SPRING1: variants seen among roughly 807,000 people sequenced by gnomAD.
SPRING1 encodes SREBF pathway regulator in golgi 1, also known as SREBP regulating gene protein.
A neutral mutation model predicts 24.7 loss-of-function variants in SPRING1; 14 were observed. The ratio of observed to expected loss-of-function variants is 0.57; its 90% CI spans 0.37 to 0.88. The LOEUF is 0.88. Ranked by LOEUF, SPRING1 falls within the 40% of genes least tolerant of loss-of-function variation. The pLI, the probability that SPRING1 is intolerant of heterozygous loss-of-function variation, is 0.00. For missense variants in SPRING1, 255 were observed against 268.4 expected, an observed-to-expected ratio of 0.95 and a Z score of 0.35; for synonymous variants, 93 against 106.1, an observed-to-expected ratio of 0.88 and a Z score of 0.76.
At chr12:116,737,649 G>A (rs1871330981) in intron 1 of SPRING1, 141 bp downstream of exon 1, 2 of 961,918 alleles carry the variant, frequency 2.1e-6, no homozygotes, top group Non-Finnish European at 2.8e-6. Context: ...GGGAAGGGGA[G>A]AAAGAAAGGA....
At position 116,712,110 on chromosome 12, in the gene SPRING1, A is replaced by C. The variant is rs1316521985; in HGVS notation, c.*5700T>G. On this transcript the variant is annotated 3_prime_UTR_variant, in exon 5 of 5. Transcript: ENST00000261318. Reference sequence around the variant, plus strand: ...GTCCCTCTGGTCTCACAGAATGTGTAGTCCTGAGAAAAAATAAACCTGGAC... The same window carrying C: ...GTCCCTCTGGTCTCACAGAATGTGTCGTCCTGAGAAAAAATAAACCTGGAC... 6.6e-6 allele frequency: 1 copy of C among 152,268 alleles called. No homozygotes were observed. The allele number at this position is 152,268 out of a possible 1,614,324, so 9.4% of individuals were successfully genotyped here.
Position 116,719,792 on chromosome 12 carries a change from A to G in SPRING1, c.505T>C (p.Cys169Arg). The change falls in exon 4 of 5, where the codon TGC becomes CGC. Residue 169 changes from cysteine (C) to arginine (R), a missense_variant. Transcript: ENST00000261318. The stretch of plus-strand genomic sequence containing the variant: ...GATGAGGTCCTGCATTTGGCCAGGC[A>G]CAACTCAAAGTGATCTTCGACTGCC... ...FMAVEDHFELCLAKCRTSSQS... is the reference protein window; with the variant it reads ...FMAVEDHFELRLAKCRTSSQS... 1 of 1,614,222 alleles carries G rather than the reference A, an allele frequency of 6.2e-7. No homozygotes were observed.
rs1322383564 is a variant in SPRING1 at position 116,714,037 on chromosome 12, T to G, written c.*3773A>C. ...ATCCGAGCCGACCCCTGACTGCCCCTGCCATTGCTCCCTGCTGAGTTGCAG... is the reference window on the plus strand; with the variant it reads ...ATCCGAGCCGACCCCTGACTGCCCCGGCCATTGCTCCCTGCTGAGTTGCAG... On this transcript the variant is annotated 3_prime_UTR_variant, in exon 5 of 5. Coordinates refer to ENST00000261318, the MANE Select transcript of SPRING1 (RefSeq NM_024738.4). 6.7e-6 allele frequency: 1 copy of G among 148,708 alleles called. No individual in the cohort carries two copies. Among genetic ancestry groups the G allele is most frequent in the Non-Finnish European group, 1.5e-5 (1 of 67,262 alleles). The allele number at this position is 148,708 out of a possible 1,614,324, so 9.2% of individuals were successfully genotyped here. A position where few individuals can be genotyped will look rare whatever the true frequency, so the allele number is the denominator to read the frequency against.
chr12:116,735,291 C>T (rs774430267), intron 1 of SPRING1, among the ~76,000 whole-genome samples: 2 of 151,956 alleles, frequency 1.3e-5, no homozygotes, highest in African/African-American at 2.4e-5. Flanking sequence ...GGGTGGTTGC[C>T]GGGGGCTGGG....
Position 116,728,898 on chromosome 12 carries a change from G to A in SPRING1, c.112-5675C>T, listed in dbSNP as rs1018731906. 1.3e-5 allele frequency among the ~76,000 whole-genome samples: 2 copies of A among 152,182 alleles called. No individual in the cohort carries two copies. Among genetic ancestry groups the A allele is most frequent in the Admixed American group, 1.3e-4 (2 of 15,276 alleles). ...GGACAGCGGGGCTCAAAAGCCTTTGGTCCTGGAACCCTTTCTAATCTTAAA... is the reference window on the plus strand; with the variant it reads ...GGACAGCGGGGCTCAAAAGCCTTTGATCCTGGAACCCTTTCTAATCTTAAA... On this transcript the variant is annotated intron_variant, in intron 1 of 4. Transcript: ENST00000261318. This position sits in a 1 kb window ranked among gnomAD's most constrained non-coding sequence, Gnocchi z 4.2.
At chr12:116,726,639 T>C (rs577285406) in intron 1 of SPRING1, among the ~76,000 whole-genome samples, 4 of 150,142 alleles carry the variant, frequency 2.7e-5, no homozygotes, top group African/African-American at 9.8e-5. Context: ...TGTAAATTCA[T>C]ACTCTTCTGC....
chr12:116,721,769 A>G (rs1165455394), intron 2 of SPRING1, among the ~76,000 whole-genome samples: 1 of 152,238 alleles, frequency 6.6e-6, no homozygotes, highest in African/African-American at 2.4e-5. Flanking sequence ...AATAATAAAC[A>G]CATAGCAACT....
intron 1 of SPRING1, 62 bp downstream of exon 1, chr12:116,737,728 T>G (rs1232313943): frequency 7.0e-5 from 89 of 1,273,210 alleles, no homozygotes; most frequent in African/African-American, 1.6e-4. Context: ...AAGGAGAAAG[T>G]AAAGTAAGGG....
Position 116,737,959 on chromosome 12 carries a change from G to C in SPRING1, c.-59C>G. The stretch of plus-strand genomic sequence containing the variant: ...GCGGAACGCGGCAGGCCCGGGTCCC[G>C]GGCGGCATGGCCCCTACGCGCCCGG... On this transcript the variant is annotated 5_prime_UTR_variant, in exon 1 of 5. Coordinates refer to ENST00000261318, the MANE Select transcript of SPRING1 (RefSeq NM_024738.4). 1 of 1,296,400 alleles carries C rather than the reference G, an allele frequency of 7.7e-7. No individual in the cohort carries two copies. Among genetic ancestry groups the C allele is most frequent in the Non-Finnish European group, 9.8e-7 (1 of 1,018,826 alleles). 80.3% of individuals were successfully genotyped at this position (1,296,400 alleles called of 1,614,324 possible). A position where few individuals can be genotyped will look rare whatever the true frequency, so the allele number is the denominator to read the frequency against.
intron 1 of SPRING1, among the ~76,000 whole-genome samples, chr12:116,726,203 T>C (rs1051528192): frequency 1.4e-4 from 21 of 152,232 alleles, no homozygotes; most frequent in Non-Finnish European, 2.6e-4. Flanking sequence ...ACATCCTCTA[T>C]AGATCAATAT....
In SPRING1 at chr12:116,720,049, T is replaced by G; in HGVS notation, c.421-173A>C. On this transcript the variant is annotated intron_variant, in intron 3 of 4. Transcript: ENST00000261318. This position sits in a 1 kb window ranked among gnomAD's most constrained non-coding sequence, Gnocchi z 4.0. Reference sequence around the variant, plus strand: ...CACACACGTGCATGCCAAAACACCCTGGGTATCTTATTCATTAGATATGTG... The same window carrying G: ...CACACACGTGCATGCCAAAACACCCGGGGTATCTTATTCATTAGATATGTG... 1 of 716,840 alleles carries G rather than the reference T, an allele frequency of 1.4e-6. No individual in the cohort carries two copies. The highest frequency in any genetic ancestry group is 2.3e-6 in the Non-Finnish European group (1 of 437,962). The allele number at this position is 716,840 out of a possible 1,614,324, so 44.4% of individuals were successfully genotyped here. A position where few individuals can be genotyped will look rare whatever the true frequency, so the allele number is the denominator to read the frequency against.
intron 1 of SPRING1, among the ~76,000 whole-genome samples, chr12:116,734,705 A>G (rs1871145112): frequency 6.6e-6 from 1 of 152,210 alleles, no homozygotes; most frequent in South Asian, 2.1e-4. Flanking sequence ...AAGTAAATGA[A>G]CAAGAAATGT....
At chr12:116,737,593 TAAGG>T (rs1392892264) in intron 1 of SPRING1, among the ~76,000 whole-genome samples, 193 bp downstream of exon 1, 2 of 94,568 alleles carry the variant, frequency 2.1e-5, no homozygotes, top group East Asian at 6.5e-4. Flanking sequence ...AGGAGGAAGA[TAAGG>T]AAGGAGGGGA....
At chr12:116,721,188 A>G (rs542086430) in intron 2 of SPRING1, among the ~76,000 whole-genome samples, 1 of 152,166 alleles carries the variant, frequency 6.6e-6, no homozygotes, top group Non-Finnish European at 1.5e-5. Context: ...AAGCTAATGT[A>G]TTGTTCAGAG....
intron 1 of SPRING1, among the ~76,000 whole-genome samples, chr12:116,729,071 G>A (rs958141267): frequency 2.6e-5 from 4 of 152,088 alleles, no homozygotes; most frequent in African/African-American, 7.2e-5. Context: ...CGGTACATGA[G>A]TTTTTTGTGA....
chr12:116,732,612 C>T (rs1871032779), intron 1 of SPRING1, among the ~76,000 whole-genome samples: 1 of 152,236 alleles, frequency 6.6e-6, no homozygotes, highest in African/African-American at 2.4e-5. Flanking sequence ...GAGGCTGAAG[C>T]AGGAGAATCA....
intron 1 of SPRING1, among the ~76,000 whole-genome samples, chr12:116,725,809 C>A (rs1457045434): frequency 6.6e-6 from 1 of 151,996 alleles, no homozygotes; most frequent in African/African-American, 2.4e-5. Flanking sequence ...TGGCATGAAC[C>A]CGGGAGGCGG....
At chr12:116,723,305 T>G (rs1471867282) in intron 1 of SPRING1, 82 bp from the exon 2 acceptor site, 2 of 1,506,448 alleles carry the variant, frequency 1.3e-6, no homozygotes, top group Non-Finnish European at 1.8e-6. Context: ...GAAACTACAG[T>G]AAGAGGACAG....
At chr12:116,723,280 C>T (rs1173050710) in intron 1 of SPRING1, 57 bp from the exon 2 acceptor site, 1 of 1,592,014 alleles carries the variant, frequency 6.3e-7, no homozygotes, top group Non-Finnish European at 8.6e-7. Flanking sequence ...CTTACAATTT[C>T]ACCAGTTTTT....
Sources: gnomAD v4.1 joint callset for allele counts (sites outside exome capture counted in the v4.1 genomes callset) on GRCh38, gnomAD v4.1.1 for gene constraint, Gnocchi (gnomAD v3.1) non-coding constraint, MANE v1.5 for transcripts, NCBI Gene and HGNC (gene_info 2026-07-23, HGNC 2026-07-21) for gene names.